Variants in TSPAN3 observed in about 807,000 individuals in gnomAD.
TSPAN3 encodes the protein tetraspanin-3.
TSPAN3 carries 9 observed loss-of-function variants against 31.1 expected under a neutral mutation model. The ratio of observed to expected loss-of-function variants is 0.29; its 90% CI spans 0.17 to 0.50. The LOEUF is 0.50. TSPAN3 is among the 20% of genes least tolerant of loss of function. TSPAN3 has a pLI of 0.98. For missense variants in TSPAN3, 252 were observed against 313.5 expected (o/e 0.80, Z 1.48); for synonymous variants, 129 against 114.3 (o/e 1.13, Z -0.82).
At chr15:77,066,804 ACTGT>A in intron 1 of TSPAN3, among the ~76,000 whole-genome samples, 1 of 152,224 alleles carries the variant, frequency 6.6e-6, no homozygotes, top group East Asian at 1.9e-4. Flanking sequence ...TTGGTGAGAA[ACTGT>A]CTTAGTCTGT....
rs1568537321 is a variant in TSPAN3, at chr15:77,046,801, A to G, written c.*34T>C. ...CTGCTCAATTCACCTTCCAAATCAG[A>G]ACAAGACCAAAAAGCTCAGGCTTGA... On this transcript the variant is annotated 3_prime_UTR_variant, in exon 7 of 7. Transcript: ENST00000267970. The G allele has an allele frequency of 3.9e-6, 6 of 1,525,104 alleles. No homozygotes were observed. The highest frequency in any genetic ancestry group is 5.4e-6 in the Non-Finnish European group (6 of 1,117,300). The allele number at this position is 1,525,104 out of a possible 1,614,324, so 94.5% of individuals were successfully genotyped here. A position where few individuals can be genotyped will look rare whatever the true frequency, so the allele number is the denominator to read the frequency against.
chr15:77,055,889 A>C (rs768350451), intron 2 of TSPAN3, 26 bp from the exon 3 acceptor site: 1 of 1,580,824 alleles, frequency 6.3e-7, no homozygotes, highest in East Asian at 2.2e-5. Context: ...GTTTAAAATT[A>C]TATACAAATG....
rs1204818485 is a variant in TSPAN3 at position 77,042,056 on chromosome 15, T to G, written c.*4779A>C. 1 of 152,156 alleles carries G rather than the reference T, an allele frequency of 6.6e-6. No homozygotes were observed. The highest frequency in any genetic ancestry group is 1.5e-5 in the Non-Finnish European group (1 of 68,024). 9.4% of individuals were successfully genotyped at this position (152,156 alleles called of 1,614,324 possible). ...GCTAACACAATGGAATGACAAATCC[T>G]ACAGTTAGACATGGAAGGAGCATCA... On this transcript the variant is annotated 3_prime_UTR_variant, in exon 7 of 7. Coordinates refer to ENST00000267970, the MANE Select transcript of TSPAN3 (RefSeq NM_005724.6).
At chr15:77,054,621 A>G (rs912898170) in intron 3 of TSPAN3, 1 of 160,912 alleles carries the variant, frequency 6.2e-6, no homozygotes. Context: ...CCTTTTACAA[A>G]TAAGTTACTC....
chr15:77,054,213 C>A lies in TSPAN3; in HGVS notation c.397G>T (p.Ala133Ser), dbSNP rs930778087. 6.2e-7 allele frequency: 1 copy of A among 1,614,012 alleles called. No individual in the cohort carries two copies. Among genetic ancestry groups the A allele is most frequent in the African/African-American group, 1.3e-5 (1 of 75,032 alleles). ...ACATAATCAATAGCCCGGCTAGCAGCATCAGGGTTGGTTCCATTGTAGGTC... is the reference window on the plus strand; with the variant it reads ...ACATAATCAATAGCCCGGCTAGCAGAATCAGGGTTGGTTCCATTGTAGGTC... Reference protein sequence around the residue: ...YKTYNGTNPDAASRAIDYVQR... With the variant: ...YKTYNGTNPDSASRAIDYVQR... Residue 133 changes from alanine to serine, a missense_variant, in exon 4 of 7, where the codon GCT becomes TCT. Ala to Ser is a moderately conservative substitution (Grantham distance 99, BLOSUM62 1). Transcript: ENST00000267970.
chr15:77,055,764 A>C (rs1328675137), intron 3 of TSPAN3, 25 bp downstream of exon 3: 39 of 1,562,634 alleles, frequency 2.5e-5, no homozygotes, highest in Non-Finnish European at 3.4e-5. Context: ...TTAAGGCATT[A>C]TGTGAATTAC....
chr15:77,046,711 C>T lies in TSPAN3; in HGVS notation c.*124G>A, dbSNP rs1596155303. The T allele has an allele frequency of 3.0e-6, 2 of 673,312 alleles. No homozygotes were observed. The highest frequency in any genetic ancestry group is 5.5e-5 in the East Asian group (2 of 36,118). The allele number at this position is 673,312 out of a possible 1,614,324, so 41.7% of individuals were successfully genotyped here. On this transcript the variant is annotated 3_prime_UTR_variant, in exon 7 of 7. Coordinates refer to ENST00000267970, the MANE Select transcript of TSPAN3 (RefSeq NM_005724.6). ...GGTGGGCACATGAAAAGCCAAGCTGCTCTGTCCAACACCAGTGTACATGTG... is the reference window on the plus strand; with the variant it reads ...GGTGGGCACATGAAAAGCCAAGCTGTTCTGTCCAACACCAGTGTACATGTG...
At chr15:77,070,076 G>A (rs546181688) in intron 1 of TSPAN3, 1 of 151,700 alleles carries the variant, frequency 6.6e-6, no homozygotes, top group African/African-American at 2.4e-5. Flanking sequence ...GTGGAGAGAC[G>A]GATAGGAACA....
intron 1 of TSPAN3, among the ~76,000 whole-genome samples, chr15:77,057,693 T>A (rs964663439): frequency 6.6e-6 from 1 of 152,210 alleles, no homozygotes; most frequent in African/African-American, 2.4e-5. Flanking sequence ...GTGCTCACTT[T>A]TTCATTCTCT....
At chr15:77,051,395 G>A (rs980425850) in intron 6 of TSPAN3, among the ~76,000 whole-genome samples, 50 of 152,018 alleles carry the variant, frequency 3.3e-4, no homozygotes, top group African/African-American at 1.2e-3. Context: ...GGGCATGGTA[G>A]CGGGAACCTG....
intron 1 of TSPAN3, among the ~76,000 whole-genome samples, chr15:77,070,209 C>T (rs1462143604): frequency 1.3e-5 from 2 of 152,162 alleles, no homozygotes; most frequent in Non-Finnish European, 2.9e-5. Flanking sequence ...AAAGTGAACT[C>T]ATCACTTTCA....
At chr15:77,050,069 T>A (rs1024873486) in intron 6 of TSPAN3, among the ~76,000 whole-genome samples, 3 of 152,126 alleles carry the variant, frequency 2.0e-5, no homozygotes, top group Non-Finnish European at 4.4e-5. Flanking sequence ...TCTCCAACCA[T>A]CCTCTCCAGC....
intron 1 of TSPAN3, among the ~76,000 whole-genome samples, chr15:77,070,651 G>C (rs954532585): frequency 2.0e-5 from 3 of 152,062 alleles, no homozygotes; most frequent in African/African-American, 4.8e-5. Flanking sequence ...GCGCCGGCTG[G>C]AGGCCGTGGA....
chr15:77,057,139 G>A (rs1414563019), intron 1 of TSPAN3, among the ~76,000 whole-genome samples: 1 of 152,186 alleles, frequency 6.6e-6, no homozygotes. Context: ...CTCCGCTATT[G>A]TCAATTTTGC....
chr15:77,052,487 T>C lies in TSPAN3; in HGVS notation c.586-19A>G, dbSNP rs368936290. 6.8e-6 allele frequency: 11 copies of C among 1,607,940 alleles called. No individual in the cohort carries two copies. Among genetic ancestry groups the C allele is most frequent in the Admixed American group, 3.3e-5 (2 of 60,000 alleles). ...CACACCCCTGTAACAAACACAGTCA[T>C]CCTCGTTAGAAGTGTTCTTTAAAAG... On this transcript the variant is annotated intron_variant, in intron 5 of 6. Coordinates refer to ENST00000267970, the MANE Select transcript of TSPAN3 (RefSeq NM_005724.6).
At chr15:77,062,226 C>T (rs1281578861) in intron 1 of TSPAN3, among the ~76,000 whole-genome samples, 2 of 152,188 alleles carry the variant, frequency 1.3e-5, no homozygotes, top group Non-Finnish European at 2.9e-5. Flanking sequence ...CAAACTTCAC[C>T]CTTATGCCAT....
At chr15:77,070,611 G>A (rs1183100622) in intron 1 of TSPAN3, among the ~76,000 whole-genome samples, 4 of 152,098 alleles carry the variant, frequency 2.6e-5, no homozygotes, top group African/African-American at 9.6e-5. Flanking sequence ...CGCCTGGCAC[G>A]GAGCCAGCCC....
In TSPAN3 at chr15:77,054,240, T is replaced by C; in HGVS notation, c.370A>G (p.Lys124Glu). 1 of 1,613,906 alleles carries C rather than the reference T, an allele frequency of 6.2e-7. No homozygotes were observed. Among genetic ancestry groups the C allele is most frequent in the Non-Finnish European group, 8.5e-7 (1 of 1,179,866 alleles). The part of the protein sequence containing the change: ...EVDRSIQKVY[K>E]TYNGTNPDAA... ...TCAGGGTTGGTTCCATTGTAGGTCT[T>C]ATACACTTTCTGAATGCTGCGATCA... The change falls in exon 4 of 7, where the codon AAG (lysine) becomes GAG (glutamate). Residue 124 changes from lysine to glutamate, a missense_variant. Physicochemically the swap from Lys to Glu is moderately conservative, Grantham distance 56 (BLOSUM62 1). Coordinates refer to ENST00000267970, the MANE Select transcript of TSPAN3 (RefSeq NM_005724.6).
At chr15:77,068,480 T>C (rs374249050) in intron 1 of TSPAN3, among the ~76,000 whole-genome samples, 2 of 152,224 alleles carry the variant, frequency 1.3e-5, no homozygotes, top group South Asian at 2.1e-4. Context: ...GTATTTCCAA[T>C]ATTTTGTTAC....
Sources: allele counts gnomAD v4.1 joint callset (sites outside exome capture counted in the v4.1 genomes callset), GRCh38; gene constraint gnomAD v4.1.1; transcripts MANE v1.5; gene names NCBI Gene and HGNC (gene_info 2026-07-23, HGNC 2026-07-21).